PAPPA: variants seen among roughly 807,000 people sequenced by gnomAD.
PAPPA encodes the protein pappalysin-1.
In PAPPA, 60 loss-of-function variants were observed where a neutral mutation model predicts 164.0. The ratio of observed to expected loss-of-function variants is 0.37; its 90% CI spans 0.30 to 0.45. PAPPA has a LOEUF of 0.45. Ranked by LOEUF, PAPPA falls within the 20% of genes least tolerant of loss-of-function variation. The pLI, the probability that PAPPA is intolerant of heterozygous loss-of-function variation, is 1.00. For synonymous variants in PAPPA, 875 were observed against 814.1 expected, an observed-to-expected ratio of 1.07 and a Z score of -1.27; for missense variants, 1,782 against 2,087.3, an observed-to-expected ratio of 0.85 and a Z score of 2.85.
At chr9:116,251,240 A>G (rs1844856619) in intron 7 of PAPPA, among the ~76,000 whole-genome samples, 1 of 152,172 alleles carries the variant, frequency 6.6e-6, no homozygotes, top group South Asian at 2.1e-4. Flanking sequence ...AAACATAAGG[A>G]TTACATTTTC....
At chr9:116,324,525 G>A (rs899868135) in intron 10 of PAPPA, among the ~76,000 whole-genome samples, 1 of 150,968 alleles carries the variant, frequency 6.6e-6, no homozygotes, top group African/African-American at 2.4e-5. Context: ...TTCTCACCTT[G>A]GAAATCTTCA....
chr9:116,235,091 A>G (rs1844643526), intron 6 of PAPPA, 48 bp from the exon 7 acceptor site: 3 of 1,610,626 alleles, frequency 1.9e-6, no homozygotes, highest in Middle Eastern at 1.7e-4. Context: ...TAAGGATGGG[A>G]ATAAAGCTCT....
chr9:116,176,968 C>A (rs537855975), intron 1 of PAPPA, among the ~76,000 whole-genome samples: 2 of 82,784 alleles, frequency 2.4e-5, no homozygotes, highest in East Asian at 5.9e-4. Context: ...AGGAAAGACC[C>A]CCCCCCCCAA....
intron 10 of PAPPA, among the ~76,000 whole-genome samples, chr9:116,324,326 C>T (rs763224831): frequency 5.9e-5 from 9 of 152,174 alleles, no homozygotes; most frequent in Non-Finnish European, 1.2e-4. Flanking sequence ...GTAATACCCA[C>T]CTCACAGAGT....
chr9:116,395,767 C>T (rs1846954402), intron 21 of PAPPA, among the ~76,000 whole-genome samples: 1 of 152,180 alleles, frequency 6.6e-6, no homozygotes, highest in Non-Finnish European at 1.5e-5. Flanking sequence ...GGTGCAAAAC[C>T]ACCATGCGAT....
At chr9:116,167,104 C>T (rs999975077) in intron 1 of PAPPA, among the ~76,000 whole-genome samples, 2 of 152,118 alleles carry the variant, frequency 1.3e-5, no homozygotes, top group African/African-American at 2.4e-5. Flanking sequence ...CATTTTACAT[C>T]CATTAGAGCA....
intron 10 of PAPPA, among the ~76,000 whole-genome samples, chr9:116,329,059 G>T (rs1845956949): frequency 6.6e-6 from 1 of 152,150 alleles, no homozygotes; most frequent in Non-Finnish European, 1.5e-5. Context: ...ATTGAGACCT[G>T]GCATTTTCCA....
Position 116,197,303 on chromosome 9 carries a change from G to A in PAPPA, c.1478+9087G>A, listed in dbSNP as rs114712337. Among the ~76,000 whole-genome samples the A allele has an allele frequency of 5.3e-4, 81 of 152,258 alleles. 1 individual carries two copies. The highest frequency in any genetic ancestry group is 1.7e-3 in the African/African-American group (69 of 41,548). The stretch of plus-strand genomic sequence containing the variant: ...AAAGCCATGCACTGGCACTGGAGAC[G>A]CCAAGGGATATAAGAGACAGTCTTT... On this transcript the variant is annotated intron_variant, in intron 2 of 21. Coordinates refer to ENST00000328252, the MANE Select transcript of PAPPA (RefSeq NM_002581.5).
At chr9:116,234,206 A>G (rs959828566) in intron 6 of PAPPA, among the ~76,000 whole-genome samples, 3 of 152,106 alleles carry the variant, frequency 2.0e-5, no homozygotes, top group African/African-American at 7.2e-5. Flanking sequence ...TCTAGATGTG[A>G]TCTCAGCAGA....
intron 6 of PAPPA, among the ~76,000 whole-genome samples, chr9:116,233,016 A>G (rs1844617352): frequency 6.6e-6 from 1 of 152,238 alleles, no homozygotes; most frequent in Non-Finnish European, 1.5e-5. Flanking sequence ...TGCCAGTTGC[A>G]GGAGAAAGCC....
In PAPPA at chr9:116,398,443, C is replaced by A; in HGVS notation, c.*1827C>A. On this transcript the variant is annotated 3_prime_UTR_variant, in exon 22 of 22. Transcript: ENST00000328252. ...CGTGTGCAGCCCCACCTAATTCCTG[C>A]ATCCAAGGCAGGTGTTGTTAATCTA... The A allele has an allele frequency of 2.0e-6, 1 of 500,986 alleles. No individual in the cohort carries two copies. Among genetic ancestry groups the A allele is most frequent in the Non-Finnish European group, 3.2e-6 (1 of 316,830 alleles). The allele number at this position is 500,986 out of a possible 1,614,324, so 31.0% of individuals were successfully genotyped here.
chr9:116,383,439 C>T (rs568356795), intron 21 of PAPPA, among the ~76,000 whole-genome samples: 1 of 152,322 alleles, frequency 6.6e-6, no homozygotes, highest in East Asian at 1.9e-4. Flanking sequence ...AAAGAGCCCT[C>T]TATGACTATC....
intron 21 of PAPPA, among the ~76,000 whole-genome samples, chr9:116,392,869 A>G (rs1448530983): frequency 1.3e-5 from 2 of 152,220 alleles, no homozygotes; most frequent in Middle Eastern, 3.2e-3. Flanking sequence ...ACTTGCTGAA[A>G]GTCATACAGT....
Position 116,188,210 on chromosome 9 carries a change from C to T in PAPPA, c.1472C>T (p.Pro491Leu). The T allele has an allele frequency of 6.2e-7, 1 of 1,607,504 alleles. No individual in the cohort carries two copies. Among genetic ancestry groups the T allele is most frequent in the East Asian group, 2.2e-5 (1 of 44,676 alleles). The change falls in exon 2 of 22, where the codon CCA (proline) becomes CTA (leucine). Residue 491 changes from proline to leucine, a missense_variant. This residue lies in a region of PAPPA where 1,324 missense variants were observed against 1,656.9 expected (regional missense o/e 0.80). Transcript: ENST00000328252. The stretch of plus-strand genomic sequence containing the variant: ...CAGACTTGCTTTGACCCCGACTCTC[C>T]ACACAGGTAAGACCTTACTGGGCTA... Reference protein sequence around the residue: ...VTQTCFDPDSPHRAYLDVNEL... With the variant: ...VTQTCFDPDSLHRAYLDVNEL...
intron 2 of PAPPA, among the ~76,000 whole-genome samples, chr9:116,198,926 T>C (rs1017165762): frequency 7.9e-5 from 12 of 152,226 alleles, no homozygotes; most frequent in South Asian, 6.2e-4. Flanking sequence ...TGTTTTTTTT[T>C]CCCCTTTTGA....
chr9:116,300,099 A>G (rs944899914), intron 9 of PAPPA, among the ~76,000 whole-genome samples: 1 of 152,086 alleles, frequency 6.6e-6, no homozygotes, highest in Admixed American at 6.5e-5. Context: ...GTTATACGAT[A>G]TGTAGAGTGG....
intron 3 of PAPPA, among the ~76,000 whole-genome samples, chr9:116,210,869 T>C (rs967422925): frequency 6.6e-6 from 1 of 152,208 alleles, no homozygotes; most frequent in South Asian, 2.1e-4. Flanking sequence ...GTGATGTACT[T>C]GATGTATGGA....
Position 116,154,560 on chromosome 9 carries a change from G to A in PAPPA, c.388G>A (p.Gly130Ser), listed in dbSNP as rs1214291096. 1 of 1,405,110 alleles carries A rather than the reference G, an allele frequency of 7.1e-7. No homozygotes were observed. The highest frequency in any genetic ancestry group is 9.3e-7 in the Non-Finnish European group (1 of 1,077,492). The allele number at this position is 1,405,110 out of a possible 1,614,324, so 87.0% of individuals were successfully genotyped here. A position where few individuals can be genotyped will look rare whatever the true frequency, so the allele number is the denominator to read the frequency against. ...GCAAGTGTGGCTGCGAGCGGAGGGGGGCCAGAGGTCTCCGGCAGTGATCAC... is the reference window on the plus strand; with the variant it reads ...GCAAGTGTGGCTGCGAGCGGAGGGGAGCCAGAGGTCTCCGGCAGTGATCAC... ...TLQVWLRAEGGQRSPAVITGL... is the reference protein window; with the variant it reads ...TLQVWLRAEGSQRSPAVITGL... Residue 130 changes from glycine (G) to serine (S), a missense_variant, in exon 1 of 22, where the codon GGC becomes AGC. Transcript: ENST00000328252. The surrounding 1 kb of genome is among the most constrained non-coding windows in gnomAD (Gnocchi z 5.2).
rs1443270261 is a variant in PAPPA, at chr9:116,154,273, C to T, written c.101C>T (p.Ala34Val). ...RPRRARRDPR[A>V]GRPPRPAAGP... is the part of the protein sequence containing the mutation. Reference sequence around the variant, plus strand: ...CGCCGGGCCCGGAGAGACCCGCGGGCCGGCCGACCCCCGCGCCCCGCCGCC... The same window carrying T: ...CGCCGGGCCCGGAGAGACCCGCGGGTCGGCCGACCCCCGCGCCCCGCCGCC... Residue 34 changes from alanine (A) to valine (V), a missense_variant, in exon 1 of 22, where the codon GCC becomes GTC. Ala to Val is a moderately conservative substitution (Grantham distance 64, BLOSUM62 0). Transcript: ENST00000328252. The surrounding 1 kb of genome is among the most constrained non-coding windows in gnomAD (Gnocchi z 5.2). The T allele has an allele frequency of 6.6e-6, 7 of 1,054,918 alleles. No homozygotes were observed. Among genetic ancestry groups the T allele is most frequent in the Admixed American group, 5.6e-5 (1 of 17,874 alleles). 65.3% of individuals were successfully genotyped at this position (1,054,918 alleles called of 1,614,324 possible). A position where few individuals can be genotyped will look rare whatever the true frequency, so the allele number is the denominator to read the frequency against.
Sources: gnomAD v4.1 joint callset for allele counts (sites outside exome capture counted in the v4.1 genomes callset) on GRCh38, gnomAD v4.1.1 for gene constraint, gnomAD v4.1.1 regional missense constraint, Gnocchi (gnomAD v3.1) non-coding constraint, MANE v1.5 for transcripts, NCBI Gene and HGNC (gene_info 2026-07-23, HGNC 2026-07-21) for gene names.